The following TANGO6 variants were observed in gnomAD, a reference collection of about 807,000 sequenced individuals.
TANGO6 encodes the protein transport and Golgi organization protein 6 homolog.
A neutral mutation model predicts 114.2 loss-of-function variants in TANGO6; 90 were observed. The ratio of observed to expected loss-of-function variants is 0.79; its 90% CI spans 0.66 to 0.94. The LOEUF is 0.94. Among genes scored for constraint, TANGO6 ranks in the 40% least tolerant of loss-of-function variants. The pLI, the probability that TANGO6 is intolerant of heterozygous loss-of-function variation, is 0.00. For synonymous variants in TANGO6, 477 were observed against 509.8 expected (o/e 0.94, Z 0.87); for missense variants, 1,274 against 1,315.3 (o/e 0.97, Z 0.49).
chr16:68,929,251 G>A (rs1472281188), intron 13 of TANGO6, among the ~76,000 whole-genome samples: 1 of 152,172 alleles, frequency 6.6e-6, no homozygotes, highest in Non-Finnish European at 1.5e-5. Context: ...ATTTGAAGGT[G>A]AATTCAATGA....
chr16:68,900,722 A>T (rs1430394928), intron 8 of TANGO6, among the ~76,000 whole-genome samples, 176 bp downstream of exon 8: 2 of 152,258 alleles, frequency 1.3e-5, no homozygotes, highest in African/African-American at 4.8e-5. Flanking sequence ...AGAATTTTGC[A>T]GATCACAGGG....
At chr16:68,928,719 A>G (rs927827265) in intron 13 of TANGO6, among the ~76,000 whole-genome samples, 9 of 152,142 alleles carry the variant, frequency 5.9e-5, no homozygotes, top group African/African-American at 2.2e-4. Flanking sequence ...TGAGCAGATG[A>G]AAGAGGGGTG....
chr16:69,049,455 A>C (rs1959913235), intron 17 of TANGO6, among the ~76,000 whole-genome samples: 2 of 149,748 alleles, frequency 1.3e-5, no homozygotes, highest in Non-Finnish European at 3.0e-5. Flanking sequence ...TTTGGAGACG[A>C]AGTTTCGCTC....
At chr16:68,866,088 C>T (rs1962172968) in intron 3 of TANGO6, among the ~76,000 whole-genome samples, 1 of 152,164 alleles carries the variant, frequency 6.6e-6, no homozygotes, top group African/African-American at 2.4e-5. Context: ...TTTGTCAGAG[C>T]TACATTCAGA....
Position 68,859,887 on chromosome 16 carries a change from C to T in TANGO6, c.98C>T (p.Ser33Leu), listed in dbSNP as rs754572717. 9.0e-6 allele frequency: 14 copies of T among 1,554,782 alleles called. No individual in the cohort carries two copies. The highest frequency in any genetic ancestry group is 1.3e-5 in the South Asian group (1 of 79,428). ...ALKLLLSPGG[S>L]GSSSLQVTKH... The stretch of plus-strand genomic sequence containing the variant: ...TCCTTTTTTTCTTCTTCAAAAGGCT[C>T]GGGCTCAAGTTCACTACAGGTCACA... The change falls in exon 2 of 18, where the codon TCG becomes TTG. Residue 33 changes from serine to leucine, a missense_variant. By Grantham distance (145) the Ser-to-Leu change is moderately radical. Around this residue, in one of 5 missense-constraint regions of TANGO6, gnomAD observed 114 missense variants for 104.6 expected, o/e 1.09. Transcript: ENST00000261778.
At chr16:68,846,813 A>G (rs896163681) in intron 1 of TANGO6, 1 of 152,986 alleles carries the variant, frequency 6.5e-6, no homozygotes, top group Non-Finnish European at 1.5e-5. Flanking sequence ...TCTTTTATAC[A>G]ATTCTAAAGC....
chr16:69,039,742 G>T (rs972726263), intron 16 of TANGO6, among the ~76,000 whole-genome samples: 6 of 152,200 alleles, frequency 3.9e-5, no homozygotes, highest in African/African-American at 1.2e-4. Context: ...ACTCACATCC[G>T]GTGTACACTA....
intron 12 of TANGO6, among the ~76,000 whole-genome samples, chr16:68,925,600 A>T (rs1393455172): frequency 6.6e-6 from 1 of 152,180 alleles, no homozygotes; most frequent in Non-Finnish European, 1.5e-5. Flanking sequence ...TGCAGAGCAG[A>T]CATTCTTAAT....
At chr16:68,931,856 T>A (rs1269522609) in intron 14 of TANGO6, among the ~76,000 whole-genome samples, 1 of 151,912 alleles carries the variant, frequency 6.6e-6, no homozygotes, top group Non-Finnish European at 1.5e-5. Context: ...AACCATTGAG[T>A]TATGCACTTT....
At chr16:69,054,297 G>A (rs1234851644) in intron 17 of TANGO6, among the ~76,000 whole-genome samples, 2 of 152,212 alleles carry the variant, frequency 1.3e-5, no homozygotes, top group Non-Finnish European at 2.9e-5. Flanking sequence ...GCTTCTGCTG[G>A]TTGGGGAGGG....
rs1055973434 is a variant in TANGO6, at chr16:69,018,724, T to C, written c.2843-4104T>C. ...GATCACGAGGTCAGGAGATCGAGAC[T>C]ATCCTGGCTAACACGGTGAAACCCC... On this transcript the variant is annotated intron_variant, in intron 15 of 17. Transcript: ENST00000261778. Among the ~76,000 whole-genome samples the C allele has an allele frequency of 6.6e-5, 10 of 151,548 alleles. No homozygotes were observed. In the South Asian group the frequency reaches 1.5e-3, roughly 22 times the overall value.
intron 16 of TANGO6, among the ~76,000 whole-genome samples, chr16:69,037,438 G>T (rs1001406564): frequency 6.6e-6 from 1 of 152,322 alleles, no homozygotes; most frequent in South Asian, 2.1e-4. Context: ...CCCTCTGCTC[G>T]GTCCATGGCC....
chr16:69,019,128 G>A (rs1959357825), intron 15 of TANGO6, among the ~76,000 whole-genome samples: 1 of 152,018 alleles, frequency 6.6e-6, no homozygotes, highest in Non-Finnish European at 1.5e-5. Context: ...GGTATACCAT[G>A]GTTATTTAAC....
chr16:68,995,715 C>CCATT (rs1358708650), intron 15 of TANGO6, among the ~76,000 whole-genome samples: 1 of 152,152 alleles, frequency 6.6e-6, no homozygotes, highest in Non-Finnish European at 1.5e-5. Flanking sequence ...TATTTATGCA[C>CCATT]CATTTTAAGA....
chr16:68,975,620 C>T (rs1382250351), intron 15 of TANGO6, among the ~76,000 whole-genome samples: 1 of 151,792 alleles, frequency 6.6e-6, no homozygotes, highest in Non-Finnish European at 1.5e-5. Flanking sequence ...AGCAGTGGTG[C>T]ATTCATGGCT....
At chr16:68,885,306 G>A (rs1008054353) in intron 7 of TANGO6, among the ~76,000 whole-genome samples, 3 of 151,908 alleles carry the variant, frequency 2.0e-5, no homozygotes, top group Admixed American at 6.6e-5. Context: ...AAAAATTCAC[G>A]TAACATACAG....
intron 14 of TANGO6, among the ~76,000 whole-genome samples, chr16:68,945,151 A>C (rs570146603): frequency 6.6e-6 from 1 of 152,238 alleles, no homozygotes; most frequent in South Asian, 2.1e-4. Context: ...AAAAACAAAA[A>C]AGAAGAAGAA....
intron 1 of TANGO6, among the ~76,000 whole-genome samples, chr16:68,850,123 G>A (rs372397507): frequency 7.2e-5 from 11 of 151,810 alleles, no homozygotes; most frequent in African/African-American, 2.4e-4. Context: ...ACAGGCATGT[G>A]CCACCAAGCC....
chr16:68,928,467 G>C (rs1166441377), intron 13 of TANGO6, among the ~76,000 whole-genome samples: 1 of 151,766 alleles, frequency 6.6e-6, no homozygotes, highest in African/African-American at 2.4e-5. Context: ...ACCACCCCCG[G>C]CTAATTTTTT....
Sources: allele counts gnomAD v4.1 joint callset (sites outside exome capture counted in the v4.1 genomes callset), GRCh38; gene constraint gnomAD v4.1.1; regional missense constraint gnomAD v4.1.1; transcripts MANE v1.5; gene names NCBI Gene and HGNC (gene_info 2026-07-23, HGNC 2026-07-21).